DAZAP1: variants seen among roughly 807,000 people sequenced by gnomAD.
DAZAP1 encodes DAZ associated protein 1.
In DAZAP1, 6 loss-of-function variants were observed where a neutral mutation model predicts 60.1. That is an observed-to-expected ratio of 0.10 (90% confidence interval 0.05 to 0.20). The LOEUF (loss-of-function observed/expected upper bound fraction) is 0.20, where lower values mean the gene tolerates loss of function less well. DAZAP1 is among the 10% of genes least tolerant of loss of function. The pLI is 1.00. For missense variants in DAZAP1, 366 were observed against 560.4 expected, an observed-to-expected ratio of 0.65 and a Z score of 3.50; for synonymous variants, 235 against 215.9, an observed-to-expected ratio of 1.09 and a Z score of -0.78.
chr19:1,417,489 T>C lies in DAZAP1; in HGVS notation c.30-11T>C, dbSNP rs756436102. 6.2e-7 allele frequency: 1 copy of C among 1,601,364 alleles called. No homozygotes were observed. The highest frequency in any genetic ancestry group is 1.3e-5 in the African/African-American group (1 of 74,940). On this transcript the variant is annotated splice_polypyrimidine_tract_variant and intron_variant, in intron 1 of 11. Transcript: ENST00000233078. The stretch of plus-strand genomic sequence containing the variant: ...TGTCTTGATCCTGAATGTTTTCTCA[T>C]TGAATCGCAGGAAGCTCTTCGTGGG...
At chr19:1,407,841 GC>G in intron 1 of DAZAP1, 39 bp downstream of exon 1, 1 of 1,059,540 alleles carries the variant, frequency 9.4e-7, no homozygotes, top group Non-Finnish European at 1.1e-6. Context: ...TCCGCCCCGA[GC>G]CCGGCCCGCC....
chr19:1,431,416 A>G (rs1465785299), intron 10 of DAZAP1, among the ~76,000 whole-genome samples: 1 of 151,870 alleles, frequency 6.6e-6, no homozygotes, highest in Non-Finnish European at 1.5e-5. Context: ...AGCGTGAGCC[A>G]CCGCGCCCGG....
At chr19:1,413,737 G>T (rs1257199838) in intron 1 of DAZAP1, among the ~76,000 whole-genome samples, 1 of 152,194 alleles carries the variant, frequency 6.6e-6, no homozygotes. Flanking sequence ...GGGAGCTCCA[G>T]ACACAGCTAT....
intron 1 of DAZAP1, chr19:1,415,837 C>T (rs1248870602): frequency 6.6e-6 from 1 of 152,228 alleles, no homozygotes; most frequent in Non-Finnish European, 1.5e-5. Flanking sequence ...GCGGCTGGCA[C>T]ACCCCGCCTC....
chr19:1,423,704 C>G lies in DAZAP1; in HGVS notation c.463+1308C>G, dbSNP rs2083224602. On this transcript the variant is annotated intron_variant, in intron 6 of 11. Coordinates refer to ENST00000233078, the MANE Select transcript of DAZAP1 (RefSeq NM_018959.4). The surrounding 1 kb of genome is among the most constrained non-coding windows in gnomAD (Gnocchi z 6.8). ...ATGTCTACTTCTAAATACGTTGTTT[C>G]ATCACCGATGCTGTGTTCCAATACT... 6.6e-6 allele frequency among the ~76,000 whole-genome samples: 1 copy of G among 152,254 alleles called. No homozygotes were observed. Among genetic ancestry groups the G allele is most frequent in the Non-Finnish European group, 1.5e-5 (1 of 68,038 alleles).
In DAZAP1 at chr19:1,418,700, A is replaced by G; in HGVS notation, c.272A>G (p.Gln91Arg). 1 of 1,613,646 alleles carries G rather than the reference A, an allele frequency of 6.2e-7. No homozygotes were observed. The highest frequency in any genetic ancestry group is 1.3e-5 in the African/African-American group (1 of 75,030). Residue 91 changes from glutamine to arginine, a missense_variant, in exon 4 of 12, where the codon CAG becomes CGG. By Grantham distance (43) the Gln-to-Arg change is conservative. This residue lies in a region of DAZAP1 where 98 missense variants were observed against 155.3 expected (regional missense o/e 0.63). Coordinates refer to ENST00000233078, the MANE Select transcript of DAZAP1 (RefSeq NM_018959.4). The surrounding 1 kb of genome is among the most constrained non-coding windows in gnomAD (Gnocchi z 5.7). Reference sequence around the variant, plus strand: ...AAGCCATGCACACCCCGGGGGATGCAGCCGGAGAGAACACGGCCGAAGGAA... The same window carrying G: ...AAGCCATGCACACCCCGGGGGATGCGGCCGGAGAGAACACGGCCGAAGGAA... ...DPKPCTPRGM[Q>R]PERTRPKEGW...
Position 1,417,554 on chromosome 19 carries a change from G to A in DAZAP1, c.70+14G>A, listed in dbSNP as rs181822904. ...GCACGACCCAAGGTAGGTGGGGAAG[G>A]GGTGTCAGGTGGGTACTGCAGATGG... is the stretch of plus-strand genomic sequence containing the variant. On this transcript the variant is annotated intron_variant, in intron 2 of 11. Coordinates refer to ENST00000233078, the MANE Select transcript of DAZAP1 (RefSeq NM_018959.4). 1.9e-6 allele frequency: 3 copies of A among 1,601,918 alleles called. No homozygotes were observed. The highest frequency in any genetic ancestry group is 2.3e-5 in the South Asian group (2 of 88,516).
rs998746031 is a variant in DAZAP1 at position 1,433,486 on chromosome 19, G to A, written c.1048+796G>A. On this transcript the variant is annotated intron_variant, in intron 11 of 11. Coordinates refer to ENST00000233078, the MANE Select transcript of DAZAP1 (RefSeq NM_018959.4). The surrounding 1 kb of genome is among the most constrained non-coding windows in gnomAD (Gnocchi z 6.1). ...GCTTCCTCTAGGCCTGGTGGAGGCC[G>A]GGGTGTGGGAGCTGTGTTCGGCCGA... The A allele has an allele frequency of 2.5e-4, 133 of 530,890 alleles. 1 individual carries two copies. The highest frequency in any genetic ancestry group is 1.3e-3 in the Admixed American group (41 of 30,930). The allele number at this position is 530,890 out of a possible 1,614,324, so 32.9% of individuals were successfully genotyped here.
In DAZAP1 at chr19:1,429,865, G is replaced by A. The variant is rs550633594; in HGVS notation, c.701-102G>A. Reference sequence around the variant, plus strand: ...ACAGGCTCTAAGCACAGGAGGCTCCGGGGTTGGTCCCAGCCCTTGACGTCC... The same window carrying A: ...ACAGGCTCTAAGCACAGGAGGCTCCAGGGTTGGTCCCAGCCCTTGACGTCC... On this transcript the variant is annotated intron_variant, in intron 8 of 11. Coordinates refer to ENST00000233078, the MANE Select transcript of DAZAP1 (RefSeq NM_018959.4). The A allele has an allele frequency of 6.4e-5, 92 of 1,431,294 alleles. 1 individual carries two copies. In the African/African-American group the frequency reaches 7.8e-4, roughly 12 times the overall value. 88.7% of individuals were successfully genotyped at this position (1,431,294 alleles called of 1,614,324 possible). A position where few individuals can be genotyped will look rare whatever the true frequency, so the allele number is the denominator to read the frequency against.
chr19:1,418,405 T>C lies in DAZAP1; in HGVS notation c.237+35T>C, dbSNP rs758896906. 1.9e-6 allele frequency: 3 copies of C among 1,604,746 alleles called. No homozygotes were observed. Among genetic ancestry groups the C allele is most frequent in the Non-Finnish European group, 2.6e-6 (3 of 1,173,616 alleles). On this transcript the variant is annotated intron_variant, in intron 3 of 11. Coordinates refer to ENST00000233078, the MANE Select transcript of DAZAP1 (RefSeq NM_018959.4). This position sits in a 1 kb window ranked among gnomAD's most constrained non-coding sequence, Gnocchi z 5.7. ...CTTCCGGGAGCTCACACCCGCTCTC[T>C]GTCTCCCCTGTCCTTCCTCTGCTTC... is the stretch of plus-strand genomic sequence containing the variant.
Position 1,423,111 on chromosome 19 carries a change from G to T in DAZAP1, c.463+715G>T, listed in dbSNP as rs1027793191. 4.6e-5 allele frequency among the ~76,000 whole-genome samples: 7 copies of T among 151,094 alleles called. No homozygotes were observed. Among genetic ancestry groups the T allele is most frequent in the Non-Finnish European group, 2.9e-5 (2 of 67,970 alleles). On this transcript the variant is annotated intron_variant, in intron 6 of 11. Transcript: ENST00000233078. The surrounding 1 kb of genome is among the most constrained non-coding windows in gnomAD (Gnocchi z 6.8). ...CCACGTGAGCAGACCTGCAGCCTGG[G>T]TCTGCCCGCCACGTCCGTGCCGCCC...
At chr19:1,411,372 A>C (rs1404576480) in intron 1 of DAZAP1, among the ~76,000 whole-genome samples, 1 of 152,202 alleles carries the variant, frequency 6.6e-6, no homozygotes, top group African/African-American at 2.4e-5. Flanking sequence ...ATGTTCCCAG[A>C]CATCACCCAG....
chr19:1,435,497 C>T lies in DAZAP1; in HGVS notation c.*585C>T, dbSNP rs76800339. 5,570 of 152,274 alleles carry T rather than the reference C, an allele frequency of 0.037. 125 individuals carry two copies. The highest frequency in any genetic ancestry group is 0.053 in the Non-Finnish European group (3,633 of 68,020). 9.4% of individuals were successfully genotyped at this position (152,274 alleles called of 1,614,324 possible). ...TTTTTGTTTAATTCCTTGCTTTTGT[C>T]GACTGACCTGCTTGGTAGTGTCTGA... is the stretch of plus-strand genomic sequence containing the variant. On this transcript the variant is annotated 3_prime_UTR_variant, in exon 12 of 12. Coordinates refer to ENST00000233078, the MANE Select transcript of DAZAP1 (RefSeq NM_018959.4).
At position 1,432,813 on chromosome 19, in the gene DAZAP1, G is replaced by A. The variant is rs952321000; in HGVS notation, c.1048+123G>A. 5.9e-6 allele frequency: 7 copies of A among 1,186,462 alleles called. No individual in the cohort carries two copies. In the East Asian group the frequency reaches 1.7e-4, roughly 29 times the overall value. 73.5% of individuals were successfully genotyped at this position (1,186,462 alleles called of 1,614,324 possible). A position where few individuals can be genotyped will look rare whatever the true frequency, so the allele number is the denominator to read the frequency against. ...CTTTACCTGGTGGGAAAGGGGAGAGGGAGGAGAGGGGGGTGTGGGGGTTGT... is the reference window on the plus strand; with the variant it reads ...CTTTACCTGGTGGGAAAGGGGAGAGAGAGGAGAGGGGGGTGTGGGGGTTGT... On this transcript the variant is annotated intron_variant, in intron 11 of 11. Transcript: ENST00000233078. This position sits in a 1 kb window ranked among gnomAD's most constrained non-coding sequence, Gnocchi z 4.9.
intron 6 of DAZAP1, among the ~76,000 whole-genome samples, chr19:1,424,344 T>TCCTCCCCCTCCC (rs1332592084): frequency 1.0e-4 from 2 of 19,420 alleles, no homozygotes; most frequent in African/African-American, 2.2e-4. Context: ...CTCCCCCTCC[T>TCCTCCCCCTCCC]CCTCCCCCTC....
chr19:1,428,830 C>G lies in DAZAP1; in HGVS notation c.547-12C>G, dbSNP rs778320325. Reference sequence around the variant, plus strand: ...CGCAGCCTCGCCCTAAACCAGAGCTCGGTTTGTTTAGGTGGAAGTTAAACG... The same window carrying G: ...CGCAGCCTCGCCCTAAACCAGAGCTGGGTTTGTTTAGGTGGAAGTTAAACG... On this transcript the variant is annotated splice_polypyrimidine_tract_variant and intron_variant, in intron 7 of 11. Transcript: ENST00000233078. The surrounding 1 kb of genome is among the most constrained non-coding windows in gnomAD (Gnocchi z 4.0). The G allele has an allele frequency of 1.2e-6, 2 of 1,612,840 alleles. No individual in the cohort carries two copies. Among genetic ancestry groups the G allele is most frequent in the East Asian group, 2.2e-5 (1 of 44,860 alleles).
intron 1 of DAZAP1, among the ~76,000 whole-genome samples, chr19:1,411,140 C>T (rs953591508): frequency 1.3e-5 from 2 of 152,212 alleles, no homozygotes; most frequent in African/African-American, 4.8e-5. Flanking sequence ...CTGGGGGAGG[C>T]TGTTGCAGTG....
intron 1 of DAZAP1, among the ~76,000 whole-genome samples, chr19:1,415,351 T>TTATG (rs1555780963): frequency 2.9e-5 from 2 of 70,012 alleles, no homozygotes; most frequent in African/African-American, 8.8e-5. Context: ...TTTCAGGGTT[T>TTATG]TATGTGTGTG....
At chr19:1,411,091 C>A (rs973994012) in intron 1 of DAZAP1, among the ~76,000 whole-genome samples, 1 of 152,198 alleles carries the variant, frequency 6.6e-6, no homozygotes, top group Non-Finnish European at 1.5e-5. Context: ...GCACAAGGCA[C>A]CTGGCAAGAT....
Sources: allele counts gnomAD v4.1 joint callset (sites outside exome capture counted in the v4.1 genomes callset), GRCh38; gene constraint gnomAD v4.1.1; regional missense constraint gnomAD v4.1.1; non-coding constraint Gnocchi (gnomAD v3.1); transcripts MANE v1.5; gene names NCBI Gene and HGNC (gene_info 2026-07-23, HGNC 2026-07-21).